The following ATRNL1 variants were observed in gnomAD, a reference collection of about 807,000 sequenced individuals.
The protein encoded by ATRNL1 is attractin like 1.
In ATRNL1, 95 loss-of-function variants were observed where a neutral mutation model predicts 182.7. The ratio of observed to expected loss-of-function variants is 0.52; its 90% CI spans 0.44 to 0.62. The LOEUF is 0.62. Ranked by LOEUF, ATRNL1 falls within the 20% of genes least tolerant of loss-of-function variation. The pLI is 0.00. For synonymous variants in ATRNL1, 576 were observed against 568.3 expected (o/e 1.01, Z -0.19); for missense variants, 1,471 against 1,679.5 (o/e 0.88, Z 2.17).
chr10:115,223,223 A>G (rs951331023), intron 9 of ATRNL1, among the ~76,000 whole-genome samples: 40 of 152,108 alleles, frequency 2.6e-4, no homozygotes, highest in Non-Finnish European at 2.5e-4. Flanking sequence ...AGAGGTTGCA[A>G]TGAGCTGAGA....
intron 19 of ATRNL1, among the ~76,000 whole-genome samples, chr10:115,364,688 C>T (rs1392483095): frequency 1.3e-5 from 2 of 151,238 alleles, no homozygotes; most frequent in African/African-American, 2.5e-5. Flanking sequence ...TTTTGAGATA[C>T]ATCCCATCAA....
intron 10 of ATRNL1, among the ~76,000 whole-genome samples, chr10:115,263,986 T>G (rs537700326): frequency 6.6e-6 from 1 of 151,914 alleles, no homozygotes; most frequent in East Asian, 1.9e-4. Flanking sequence ...AGACAGATTA[T>G]ACACTTTTTC....
At chr10:115,625,723 C>T (rs1002094051) in intron 26 of ATRNL1, among the ~76,000 whole-genome samples, 1 of 152,042 alleles carries the variant, frequency 6.6e-6, no homozygotes, top group Admixed American at 6.6e-5. Flanking sequence ...AATCAAGAAC[C>T]TATTCCCAGA....
At chr10:115,094,230 G>A (rs782190804) in intron 1 of ATRNL1, among the ~76,000 whole-genome samples, 187 bp downstream of exon 1, 1 of 151,708 alleles carries the variant, frequency 6.6e-6, no homozygotes, top group Non-Finnish European at 1.5e-5. Context: ...GCCCCGGGGC[G>A]CCCCGGGAGA....
At chr10:115,672,679 T>G (rs781832870) in intron 26 of ATRNL1, among the ~76,000 whole-genome samples, 4 of 152,078 alleles carry the variant, frequency 2.6e-5, no homozygotes. Flanking sequence ...TGTATGGTGC[T>G]TATTACTAAA....
chr10:115,595,755 T>C (rs1856198476), intron 26 of ATRNL1, among the ~76,000 whole-genome samples: 2 of 147,898 alleles, frequency 1.4e-5, no homozygotes, highest in African/African-American at 5.0e-5. Flanking sequence ...GGATTGATTA[T>C]TATTCACTTG....
At chr10:115,419,555 T>A (rs1554961572) in intron 20 of ATRNL1, among the ~76,000 whole-genome samples, 1 of 152,062 alleles carries the variant, frequency 6.6e-6, no homozygotes, top group African/African-American at 2.4e-5. Context: ...ACAACATGCA[T>A]AGATTGAAAG....
intron 26 of ATRNL1, among the ~76,000 whole-genome samples, chr10:115,689,411 T>C (rs1255458766): frequency 6.6e-6 from 1 of 152,242 alleles, no homozygotes; most frequent in Non-Finnish European, 1.5e-5. Context: ...TTAGCACTGC[T>C]TTGTTTTTGT....
chr10:115,716,973 C>A (rs1947270745), intron 26 of ATRNL1, among the ~76,000 whole-genome samples: 1 of 152,122 alleles, frequency 6.6e-6, no homozygotes, highest in Non-Finnish European at 1.5e-5. Flanking sequence ...ACCAGGTTCT[C>A]ATTTTTGCTC....
chr10:115,787,335 A>C (rs1342799619), intron 27 of ATRNL1, among the ~76,000 whole-genome samples: 2 of 152,162 alleles, frequency 1.3e-5, no homozygotes, highest in African/African-American at 4.8e-5. Flanking sequence ...GGCTTTACCC[A>C]TTCGGGCCAC....
At chr10:115,611,819 G>T (rs1857172395) in intron 26 of ATRNL1, among the ~76,000 whole-genome samples, 2 of 152,144 alleles carry the variant, frequency 1.3e-5, no homozygotes, top group Non-Finnish European at 2.9e-5. Context: ...GTGTTAATCA[G>T]AGCAACCTCT....
In ATRNL1 at chr10:115,093,709, C is replaced by G; in HGVS notation, c.-42C>G. On this transcript the variant is annotated 5_prime_UTR_variant, in exon 1 of 29. Coordinates refer to ENST00000355044, the MANE Select transcript of ATRNL1 (RefSeq NM_207303.4). This position sits in a 1 kb window ranked among gnomAD's most constrained non-coding sequence, Gnocchi z 6.1. ...TTCCCTTCAACAGCATCCCTGTCGG[C>G]GCCCGCGAGCGCAGTCTCGCCGGGC... is the stretch of plus-strand genomic sequence containing the variant. The G allele has an allele frequency of 2.1e-6, 3 of 1,415,088 alleles. No individual in the cohort carries two copies. Among genetic ancestry groups the G allele is most frequent in the Non-Finnish European group, 2.8e-6 (3 of 1,088,874 alleles). The allele number at this position is 1,415,088 out of a possible 1,614,324, so 87.7% of individuals were successfully genotyped here.
At position 115,442,270 on chromosome 10, in the gene ATRNL1, GCTCT is replaced by G. The variant is rs71895625; in HGVS notation, c.3322+15999_3322+16002del. Among the ~76,000 whole-genome samples the G allele has an allele frequency of 1.0e-2, 1,000 of 100,380 alleles. 20 individuals are homozygous for G. The highest frequency in any genetic ancestry group is 0.032 in the African/African-American group (717 of 22,690). The allele number at this position is 100,380 out of a possible 152,430, so 65.9% of individuals were successfully genotyped here. On this transcript the variant is annotated intron_variant, in intron 21 of 28. Coordinates refer to ENST00000355044, the MANE Select transcript of ATRNL1 (RefSeq NM_207303.4). ...CGCAGCTTCATTTTCATTTGTGTTT[GCTCT>G]CTCTCTCTCTCTCTCTCTCTCTCTC...
chr10:115,845,489 A>AT (rs1320152205), intron 27 of ATRNL1, among the ~76,000 whole-genome samples: 1 of 151,816 alleles, frequency 6.6e-6, no homozygotes, highest in African/African-American at 2.4e-5. Flanking sequence ...TTTTTTGTTA[A>AT]TTTTTTTCTC....
chr10:115,586,771 G>A lies in ATRNL1; in HGVS notation c.3795+37235G>A, dbSNP rs1251891415. 1.3e-4 allele frequency among the ~76,000 whole-genome samples: 15 copies of A among 117,814 alleles called. 1 individual carries two copies. The highest frequency in any genetic ancestry group is 2.4e-4 in the African/African-American group (9 of 37,052). 77.3% of individuals were successfully genotyped at this position (117,814 alleles called of 152,430 possible). On this transcript the variant is annotated intron_variant, in intron 26 of 28. Coordinates refer to ENST00000355044, the MANE Select transcript of ATRNL1 (RefSeq NM_207303.4). ...TCTCAGCTCGTCAAAGTCATTCTCCGTCCAGCTTTGTTCCATTGCTGGTGA... is the reference window on the plus strand; with the variant it reads ...TCTCAGCTCGTCAAAGTCATTCTCCATCCAGCTTTGTTCCATTGCTGGTGA...
chr10:115,366,310 A>C (rs1336028678), intron 19 of ATRNL1, among the ~76,000 whole-genome samples: 1 of 151,534 alleles, frequency 6.6e-6, no homozygotes, highest in Non-Finnish European at 1.5e-5. Context: ...GTTGGTTTAA[A>C]GTCTGTTTTG....
In ATRNL1 at chr10:115,180,879, G is replaced by C. The variant is rs555844288; in HGVS notation, c.1348+9587G>C. Among the ~76,000 whole-genome samples, 15 of 152,058 alleles carry C rather than the reference G, an allele frequency of 9.9e-5. No individual in the cohort carries two copies. In the East Asian group the frequency reaches 2.9e-3, roughly 29 times the overall value. On this transcript the variant is annotated intron_variant, in intron 8 of 28. Coordinates refer to ENST00000355044, the MANE Select transcript of ATRNL1 (RefSeq NM_207303.4). ...GCAGATGTTTTTTGGTAAGGGTTCAGATAGTAAATAGTTTAGGCTTTGTAT... is the reference window on the plus strand; with the variant it reads ...GCAGATGTTTTTTGGTAAGGGTTCACATAGTAAATAGTTTAGGCTTTGTAT...
At chr10:115,131,232 G>A (rs1554875089) in intron 5 of ATRNL1, among the ~76,000 whole-genome samples, 2 of 152,058 alleles carry the variant, frequency 1.3e-5, no homozygotes, top group Non-Finnish European at 2.9e-5. Flanking sequence ...GTGTGTATGT[G>A]TGTGTGTATG....
intron 28 of ATRNL1, among the ~76,000 whole-genome samples, chr10:115,869,394 A>G (rs1951523553): frequency 1.3e-5 from 2 of 152,294 alleles, no homozygotes; most frequent in South Asian, 4.1e-4. Context: ...CATTAGTGGG[A>G]AAGAGCTAGG....
Sources: gnomAD v4.1 joint callset for allele counts (sites outside exome capture counted in the v4.1 genomes callset) on GRCh38, gnomAD v4.1.1 for gene constraint, Gnocchi (gnomAD v3.1) non-coding constraint, MANE v1.5 for transcripts, NCBI Gene and HGNC (gene_info 2026-07-23, HGNC 2026-07-21) for gene names.